Variants in RBFOX1 observed in about 807,000 individuals in gnomAD.
RBFOX1 encodes the protein RNA binding protein fox-1 homolog 1.
Under a neutral mutation model 57.7 loss-of-function variants are expected in RBFOX1, and 8 were observed. That is an observed-to-expected ratio of 0.14 (90% confidence interval 0.08 to 0.25). The LOEUF (loss-of-function observed/expected upper bound fraction) is 0.25, where lower values mean the gene tolerates loss of function less well. Among genes scored for constraint, RBFOX1 ranks in the 10% least tolerant of loss-of-function variants. RBFOX1 has a pLI of 1.00. For synonymous variants in RBFOX1, 326 were observed against 222.4 expected, an observed-to-expected ratio of 1.47 and a Z score of -4.15; for missense variants, 611 against 548.5, an observed-to-expected ratio of 1.11 and a Z score of -1.14.
At chr16:6,823,507 T>C (rs1320603844) in intron 3 of RBFOX1, among the ~76,000 whole-genome samples, 1 of 151,626 alleles carries the variant, frequency 6.6e-6, no homozygotes, top group Non-Finnish European at 1.5e-5. Flanking sequence ...TCTGTATGCC[T>C]CAGTCTCCCA....
intron 4 of RBFOX1, among the ~76,000 whole-genome samples, chr16:5,906,636 A>T (rs1002544714): frequency 1.3e-5 from 2 of 150,984 alleles, no homozygotes; most frequent in South Asian, 2.1e-4. Flanking sequence ...GGGAGTCGGG[A>T]CATGTGTACT....
chr16:6,723,216 T>C (rs1230193053), intron 3 of RBFOX1, among the ~76,000 whole-genome samples: 1 of 152,208 alleles, frequency 6.6e-6, no homozygotes, highest in African/African-American at 2.4e-5. Context: ...GGGGTTTACA[T>C]TGTGGCTTTC....
At chr16:6,088,830 C>G (rs1431038339) in intron 1 of RBFOX1, among the ~76,000 whole-genome samples, 1 of 152,126 alleles carries the variant, frequency 6.6e-6, no homozygotes, top group Non-Finnish European at 1.5e-5. Flanking sequence ...GGCGCGGTGG[C>G]TCATGCCTGT....
chr16:6,833,823 A>C (rs1003756862), intron 3 of RBFOX1, among the ~76,000 whole-genome samples: 2 of 152,122 alleles, frequency 1.3e-5, no homozygotes, highest in Non-Finnish European at 2.9e-5. Context: ...TAGGAATTAG[A>C]TAGGAAGAGA....
At chr16:6,925,104 TGTTGG>T (rs2075299031) in intron 3 of RBFOX1, among the ~76,000 whole-genome samples, 1 of 138,910 alleles carries the variant, frequency 7.2e-6, no homozygotes, top group South Asian at 2.4e-4. Flanking sequence ...ACATCTAGGT[TGTTGG>T]TTTTTTTTTT....
chr16:6,444,853 G>A (rs1186458534), intron 2 of RBFOX1, among the ~76,000 whole-genome samples: 1 of 152,152 alleles, frequency 6.6e-6, no homozygotes, highest in Admixed American at 6.5e-5. Context: ...TTGGTTCTGT[G>A]TGAGAACAGG....
At chr16:5,862,192 T>A (rs1597539708) in intron 3 of RBFOX1, among the ~76,000 whole-genome samples, 1 of 152,296 alleles carries the variant, frequency 6.6e-6, no homozygotes, top group Non-Finnish European at 1.5e-5. Context: ...GATCTAAGAT[T>A]TTCATGTGAA....
At chr16:6,978,124 C>A (rs926940054) in intron 3 of RBFOX1, among the ~76,000 whole-genome samples, 1 of 147,714 alleles carries the variant, frequency 6.8e-6, no homozygotes, top group East Asian at 2.1e-4. Flanking sequence ...CAGCCCTGAA[C>A]ACAACAGCCG....
At chr16:7,041,720 A>G (rs920842943) in intron 3 of RBFOX1, among the ~76,000 whole-genome samples, 3 of 152,220 alleles carry the variant, frequency 2.0e-5, no homozygotes, top group African/African-American at 7.2e-5. Context: ...CAAATTCACA[A>G]GGCCTCTTGG....
At chr16:6,395,000 G>A (rs1371687018) in intron 2 of RBFOX1, among the ~76,000 whole-genome samples, 1 of 152,200 alleles carries the variant, frequency 6.6e-6, no homozygotes, top group Non-Finnish European at 1.5e-5. Flanking sequence ...ATAGGAAAAT[G>A]ATAATCAGGG....
chr16:6,071,972 C>G (rs537677266), intron 1 of RBFOX1, among the ~76,000 whole-genome samples: 3 of 152,162 alleles, frequency 2.0e-5, no homozygotes, highest in African/African-American at 7.2e-5. Flanking sequence ...TTTCTTCATT[C>G]ATTTGTTTTA....
Position 6,958,491 on chromosome 16 carries a change from T to C in RBFOX1, c.-15-93566T>C, listed in dbSNP as rs79341508. Among the ~76,000 whole-genome samples, 516 of 152,274 alleles carry C rather than the reference T, an allele frequency of 3.4e-3. 15 individuals carry two copies. In the East Asian group the frequency reaches 0.064, roughly 19 times the overall value. On this transcript the variant is annotated intron_variant, in intron 3 of 15. Transcript: ENST00000550418. ...AATTTGTGACACAAAAGGCGTTCTG[T>C]GATACAATGGTCTGTTGACTTATTC...
At chr16:7,521,913 T>G (rs963423823) in intron 5 of RBFOX1, among the ~76,000 whole-genome samples, 1 of 152,340 alleles carries the variant, frequency 6.6e-6, no homozygotes, top group African/African-American at 2.4e-5. Flanking sequence ...GGCTTCCTCG[T>G]CCTCACCTCA....
intron 3 of RBFOX1, among the ~76,000 whole-genome samples, chr16:5,860,289 G>A (rs1285200735): frequency 6.6e-6 from 1 of 152,038 alleles, no homozygotes; most frequent in Non-Finnish European, 1.5e-5. Context: ...CACCATGTTG[G>A]TCAGGCTGGT....
intron 4 of RBFOX1, among the ~76,000 whole-genome samples, chr16:7,374,629 A>G (rs1445559207): frequency 3.3e-5 from 5 of 152,190 alleles, no homozygotes; most frequent in Admixed American, 3.3e-4. Context: ...GTCATGTCCA[A>G]ACTAAAAACA....
At chr16:6,015,266 T>C (rs533442272), upstream of RBFOX1, among the ~76,000 whole-genome samples, 1 of 152,190 alleles carries the variant, frequency 6.6e-6, no homozygotes, top group Non-Finnish European at 1.5e-5. Flanking sequence ...CCTAGAGTAC[T>C]CTGGAGTAAT....
intron 4 of RBFOX1, among the ~76,000 whole-genome samples, chr16:7,090,329 T>G (rs1378577636): frequency 6.6e-6 from 1 of 152,220 alleles, no homozygotes; most frequent in Non-Finnish European, 1.5e-5. Context: ...GCACACGATT[T>G]CAGTATGTTT....
intron 4 of RBFOX1, among the ~76,000 whole-genome samples, chr16:7,094,634 T>G (rs1220209111): frequency 2.6e-5 from 4 of 151,824 alleles, no homozygotes; most frequent in Non-Finnish European, 4.4e-5. Context: ...TGAAGTTTTT[T>G]TTTTTTTTTT....
At chr16:7,388,768 G>A (rs2097930882) in intron 4 of RBFOX1, among the ~76,000 whole-genome samples, 1 of 143,076 alleles carries the variant, frequency 7.0e-6, no homozygotes, top group Non-Finnish European at 1.5e-5. Flanking sequence ...AATTAGCTTT[G>A]TGTTAGATGA....
Sources: gnomAD v4.1 joint callset for allele counts (sites outside exome capture counted in the v4.1 genomes callset) on GRCh38, gnomAD v4.1.1 for gene constraint, MANE v1.5 for transcripts, NCBI Gene and HGNC (gene_info 2026-07-23, HGNC 2026-07-21) for gene names.